Variants in RGCC observed in about 807,000 individuals in gnomAD.
The protein encoded by RGCC is regulator of cell cycle RGCC.
Under a neutral mutation model 15.4 loss-of-function variants are expected in RGCC, and 15 were observed. The observed-to-expected ratio is 0.97, with a 90% CI of 0.65 to 1.50. The LOEUF (loss-of-function observed/expected upper bound fraction) is 1.50, where lower values mean the gene tolerates loss of function less well. RGCC is among the 40% of genes most tolerant of loss of function. RGCC has a pLI of 0.00. For missense variants in RGCC, 176 were observed against 189.7 expected, an observed-to-expected ratio of 0.93 and a Z score of 0.42; for synonymous variants, 81 against 78.0, an observed-to-expected ratio of 1.04 and a Z score of -0.20.
At chr13:41,467,538 T>C (rs758170488) in intron 3 of RGCC, among the ~76,000 whole-genome samples, 2 of 152,258 alleles carry the variant, frequency 1.3e-5, no homozygotes, top group Non-Finnish European at 2.9e-5. Flanking sequence ...GAATGTTCTG[T>C]TACATTGGAC....
intron 2 of RGCC, among the ~76,000 whole-genome samples, chr13:41,459,876 C>G (rs2043812027): frequency 6.6e-6 from 1 of 152,210 alleles, no homozygotes; most frequent in African/African-American, 2.4e-5. Flanking sequence ...TAGTGTGTCG[C>G]TGCTGCTCTG....
intron 4 of RGCC, among the ~76,000 whole-genome samples, chr13:41,470,124 A>G (rs2043868951): frequency 6.6e-6 from 1 of 151,752 alleles, no homozygotes; most frequent in African/African-American, 2.4e-5. Context: ...ACACTCTTGC[A>G]GACAAACCTA....
At chr13:41,469,329 AAG>A (rs1477367938) in intron 4 of RGCC, among the ~76,000 whole-genome samples, 1 of 148,698 alleles carries the variant, frequency 6.7e-6, no homozygotes, top group Non-Finnish European at 1.5e-5. Flanking sequence ...GAAGAAGAAG[AAG>A]AAACAGGACT....
At position 41,469,295 on chromosome 13, in the gene RGCC, T is replaced by TAAGAAGAAGAAG. The variant is rs370476569; in HGVS notation, c.406+484_406+495dup. On this transcript the variant is annotated intron_variant, in intron 4 of 4. Transcript: ENST00000379359. ...ATAATAATAATAATAATAATAATAA[T>TAAGAAGAAGAAG]AAGAAGAAGAAGAAGAAGAAGAAGA... 1.4e-3 allele frequency among the ~76,000 whole-genome samples: 121 copies of TAAGAAGAAGAAG among 86,736 alleles called. 1 individual carries two copies. Among genetic ancestry groups the TAAGAAGAAGAAG allele is most frequent in the African/African-American group, 4.1e-3 (110 of 26,754 alleles). The allele number at this position is 86,736 out of a possible 152,430, so 56.9% of individuals were successfully genotyped here.
At chr13:41,466,772 C>A in intron 2 of RGCC, 51 bp from the exon 3 acceptor site, 2 of 1,263,398 alleles carry the variant, frequency 1.6e-6, no homozygotes, top group South Asian at 1.2e-5. Flanking sequence ...AGTGCTAAGT[C>A]TATAATCTCA....
At chr13:41,461,884 T>C (rs777823890) in intron 2 of RGCC, among the ~76,000 whole-genome samples, 1 of 152,212 alleles carries the variant, frequency 6.6e-6, no homozygotes, top group Non-Finnish European at 1.5e-5. Context: ...ATGAGGAGCC[T>C]TCAGGGTTCC....
chr13:41,466,328 C>T (rs567482057), intron 2 of RGCC, among the ~76,000 whole-genome samples: 1 of 152,128 alleles, frequency 6.6e-6, no homozygotes, highest in East Asian at 1.9e-4. Flanking sequence ...CACACACTCC[C>T]TCTCTCCCCT....
At position 41,457,847 on chromosome 13, in the gene RGCC, C is replaced by G. The variant is rs1203267276; in HGVS notation, c.49+91C>G. 7.5e-7 allele frequency: 1 copy of G among 1,341,670 alleles called. No homozygotes were observed. The highest frequency in any genetic ancestry group is 9.6e-7 in the Non-Finnish European group (1 of 1,044,018). The allele number at this position is 1,341,670 out of a possible 1,614,324, so 83.1% of individuals were successfully genotyped here. ...GCCCCGTGTCGTCCCTTCACACCCC[C>G]CACCCTTCCATCCTCCCCGGCGGGA... is the stretch of plus-strand genomic sequence containing the variant. On this transcript the variant is annotated intron_variant, in intron 1 of 4. Coordinates refer to ENST00000379359, the MANE Select transcript of RGCC (RefSeq NM_014059.3). This position sits in a 1 kb window ranked among gnomAD's most constrained non-coding sequence, Gnocchi z 4.9.
intron 2 of RGCC, among the ~76,000 whole-genome samples, chr13:41,465,212 G>A (rs1370820550): frequency 6.6e-6 from 1 of 152,198 alleles, no homozygotes; most frequent in Admixed American, 6.5e-5. Context: ...GACCTGGTAA[G>A]GCCCCCATCA....
At chr13:41,466,750 A>G in intron 2 of RGCC, 73 bp from the exon 3 acceptor site, 1 of 1,046,838 alleles carries the variant, frequency 9.6e-7, no homozygotes, top group Non-Finnish European at 1.5e-6. Flanking sequence ...GTTGGTTATC[A>G]ATAGACTATA....
rs1401252745 is a variant in RGCC, at chr13:41,458,732, C to T, written c.235+262C>T. On this transcript the variant is annotated intron_variant, in intron 2 of 4. Transcript: ENST00000379359. The surrounding 1 kb of genome is among the most constrained non-coding windows in gnomAD (Gnocchi z 4.4). Reference sequence around the variant, plus strand: ...CTTGTCCCGACTCAGCCAGACAGGACTCCCTGGACCTGCACCAGGCCTTTC... The same window carrying T: ...CTTGTCCCGACTCAGCCAGACAGGATTCCCTGGACCTGCACCAGGCCTTTC... Among the ~76,000 whole-genome samples the T allele has an allele frequency of 1.3e-5, 2 of 152,192 alleles. No individual in the cohort carries two copies. The highest frequency in any genetic ancestry group is 4.8e-5 in the African/African-American group (2 of 41,446).
At chr13:41,465,222 A>G (rs1425012985) in intron 2 of RGCC, among the ~76,000 whole-genome samples, 1 of 152,166 alleles carries the variant, frequency 6.6e-6, no homozygotes, top group Non-Finnish European at 1.5e-5. Flanking sequence ...GGCCCCCATC[A>G]TTCAGCTGCC....
chr13:41,459,640 C>T (rs59654968), intron 2 of RGCC, among the ~76,000 whole-genome samples: 3,364 of 152,324 alleles, frequency 0.022, 108 homozygotes, highest in African/African-American at 0.075. Flanking sequence ...CAAGCTGCAG[C>T]TTTTGAGGTG....
Position 41,470,735 on chromosome 13 carries a change from TTTCTCTTA to T in RGCC, c.*251_*258del, listed in dbSNP as rs2043872024. The T allele has an allele frequency of 1.5e-5, 6 of 407,450 alleles. No individual in the cohort carries two copies. The highest frequency in any genetic ancestry group is 1.3e-4 in the Admixed American group (3 of 23,232). The allele number at this position is 407,450 out of a possible 1,614,324, so 25.2% of individuals were successfully genotyped here. ...CAGACGATCCATGCTAATATTGTAT[TTTCTCTTA>T]AAACATAGCTTTCCTGTAATTTAAA... is the stretch of plus-strand genomic sequence containing the variant. On this transcript the variant is annotated 3_prime_UTR_variant, in exon 5 of 5. Coordinates refer to ENST00000379359, the MANE Select transcript of RGCC (RefSeq NM_014059.3).
Position 41,468,715 on chromosome 13 carries a change from C to T in RGCC, c.344-61C>T. 4 of 1,307,674 alleles carry T rather than the reference C, an allele frequency of 3.1e-6. No homozygotes were observed. In the South Asian group the frequency reaches 4.8e-5, roughly 16 times the overall value. The allele number at this position is 1,307,674 out of a possible 1,614,324, so 81.0% of individuals were successfully genotyped here. A position where few individuals can be genotyped will look rare whatever the true frequency, so the allele number is the denominator to read the frequency against. On this transcript the variant is annotated intron_variant, in intron 3 of 4. Transcript: ENST00000379359. Reference sequence around the variant, plus strand: ...GGAAAACTCAATATGGAGTCATCAGCTGTCTTTGTTATGGAAACTGAACTC... The same window carrying T: ...GGAAAACTCAATATGGAGTCATCAGTTGTCTTTGTTATGGAAACTGAACTC...
intron 2 of RGCC, among the ~76,000 whole-genome samples, chr13:41,460,482 T>G (rs1181599194): frequency 6.6e-6 from 1 of 152,164 alleles, no homozygotes; most frequent in African/African-American, 2.4e-5. Context: ...ACGCTTGTTA[T>G]GATGATGATG....
rs1008989025 is a variant in RGCC, at chr13:41,457,557, G to T, written c.-151G>T. 4 of 1,308,388 alleles carry T rather than the reference G, an allele frequency of 3.1e-6. No individual in the cohort carries two copies. Among genetic ancestry groups the T allele is most frequent in the South Asian group, 3.4e-5 (2 of 58,236 alleles). 81.0% of individuals were successfully genotyped at this position (1,308,388 alleles called of 1,614,324 possible). A position where few individuals can be genotyped will look rare whatever the true frequency, so the allele number is the denominator to read the frequency against. ...GGAACCCGAGCCGGTGGTAGGGCGG[G>T]CGCGGACCGTGCTGGGAGCGGCGCG... On this transcript the variant is annotated 5_prime_UTR_variant, in exon 1 of 5. Transcript: ENST00000379359. This position sits in a 1 kb window ranked among gnomAD's most constrained non-coding sequence, Gnocchi z 4.9.
intron 4 of RGCC, among the ~76,000 whole-genome samples, chr13:41,469,292 TAATAAGAAG>T (rs1447787453): frequency 0.032 from 2,591 of 81,918 alleles, 25 homozygotes; most frequent in South Asian, 0.071. Flanking sequence ...ATAATAATAA[TAATAAGAAG>T]AAGAAGAAGA....
rs768651456 is a variant in RGCC, at chr13:41,468,864, C to A, written c.406+26C>A. 4 of 1,490,018 alleles carry A rather than the reference C, an allele frequency of 2.7e-6. No individual in the cohort carries two copies. In the Admixed American group the frequency reaches 7.4e-5, roughly 27 times the overall value. The allele number at this position is 1,490,018 out of a possible 1,614,324, so 92.3% of individuals were successfully genotyped here. ...GTAAGTACATGTCTGATATTAAAAA[C>A]AAAAAAACAAAAAACTAACAGACAC... On this transcript the variant is annotated intron_variant, in intron 4 of 4. Transcript: ENST00000379359.
Sources: allele counts gnomAD v4.1 joint callset (sites outside exome capture counted in the v4.1 genomes callset), GRCh38; gene constraint gnomAD v4.1.1; non-coding constraint Gnocchi (gnomAD v3.1); transcripts MANE v1.5; gene names NCBI Gene and HGNC (gene_info 2026-07-23, HGNC 2026-07-21).